The following ADAMTS16 variants were observed in gnomAD, a reference collection of about 807,000 sequenced individuals.
The protein encoded by ADAMTS16 is ADAM metallopeptidase with thrombospondin type 1 motif 16.
A neutral mutation model predicts 145.8 loss-of-function variants in ADAMTS16; 94 were observed. That is an observed-to-expected ratio of 0.64 (90% CI 0.55 to 0.77). ADAMTS16 has a LOEUF of 0.77. Among genes scored for constraint, ADAMTS16 ranks in the 30% least tolerant of loss-of-function variants. ADAMTS16 has a pLI of 0.00. For missense variants in ADAMTS16, 1,585 were observed against 1,591.5 expected (o/e 1.00, Z 0.07); for synonymous variants, 659 against 604.3 (o/e 1.09, Z -1.33).
At chr5:5,253,781 G>A (rs867346161) in intron 17 of ADAMTS16, among the ~76,000 whole-genome samples, 1 of 152,040 alleles carries the variant, frequency 6.6e-6, no homozygotes, top group Non-Finnish European at 1.5e-5. Flanking sequence ...TTCCTCCCTG[G>A]CCTCCCTGCA....
intron 11 of ADAMTS16, among the ~76,000 whole-genome samples, chr5:5,229,123 C>A (rs1004446999): frequency 2.0e-5 from 3 of 151,568 alleles, no homozygotes; most frequent in Non-Finnish European, 4.4e-5. Flanking sequence ...ACGGTGAAAC[C>A]CCGTCTCTAC....
intron 5 of ADAMTS16, among the ~76,000 whole-genome samples, chr5:5,187,460 C>T (rs1426437995): frequency 6.6e-6 from 1 of 152,122 alleles, no homozygotes; most frequent in Non-Finnish European, 1.5e-5. Context: ...CTTAAAAATC[C>T]TCTTTATATT....
At chr5:5,146,078 T>A in intron 2 of ADAMTS16, 52 bp from the exon 3 acceptor site, 1 of 1,489,402 alleles carries the variant, frequency 6.7e-7, no homozygotes, top group Admixed American at 1.8e-5. Flanking sequence ...ACTTCCTGAT[T>A]CTTCTCGGAA....
intron 9 of ADAMTS16, among the ~76,000 whole-genome samples, chr5:5,204,406 A>C (rs1353259714): frequency 6.6e-6 from 1 of 152,190 alleles, no homozygotes; most frequent in Non-Finnish European, 1.5e-5. Flanking sequence ...TGATGAACGC[A>C]ATAGTGTAAC....
intron 2 of ADAMTS16, among the ~76,000 whole-genome samples, chr5:5,144,710 A>G (rs1734248834): frequency 1.3e-5 from 2 of 152,146 alleles, no homozygotes; most frequent in Admixed American, 1.3e-4. Context: ...TGGTGGACTG[A>G]TTTTTTGTTA....
chr5:5,251,651 C>T (rs1366828045), intron 17 of ADAMTS16, among the ~76,000 whole-genome samples: 1 of 152,218 alleles, frequency 6.6e-6, no homozygotes, highest in East Asian at 1.9e-4. Flanking sequence ...TCTGATTTCA[C>T]TTTCATGAAC....
intron 3 of ADAMTS16, among the ~76,000 whole-genome samples, chr5:5,162,759 AGAGAG>A (rs10545197): frequency 0.53 from 80,100 of 150,062 alleles, 21,652 homozygotes; most frequent in African/African-American, 0.57. Context: ...AGAGAAGAGA[AGAGAG>A]GAGAGGAGAG....
chr5:5,158,905 T>C (rs943858782), intron 3 of ADAMTS16, among the ~76,000 whole-genome samples: 1 of 152,222 alleles, frequency 6.6e-6, no homozygotes, highest in Non-Finnish European at 1.5e-5. Flanking sequence ...AGATTGCCTA[T>C]CGTGTATTAA....
intron 17 of ADAMTS16, among the ~76,000 whole-genome samples, chr5:5,252,112 G>A (rs1156508104): frequency 1.3e-5 from 2 of 152,196 alleles, no homozygotes; most frequent in East Asian, 1.9e-4. Context: ...GCCTCCCAAA[G>A]TGCTGGGATT....
intron 11 of ADAMTS16, among the ~76,000 whole-genome samples, chr5:5,231,036 C>T (rs2126366423): frequency 6.6e-6 from 1 of 152,274 alleles, no homozygotes; most frequent in East Asian, 1.9e-4. Flanking sequence ...CAACAACTAG[C>T]ACACACCTGG....
intron 12 of ADAMTS16, 62 bp downstream of exon 12, chr5:5,232,578 G>A: frequency 7.4e-7 from 1 of 1,348,152 alleles, no homozygotes; most frequent in Non-Finnish European, 1.0e-6. Flanking sequence ...AACCCTCCAA[G>A]CAGTATGCCT....
chr5:5,179,763 C>T (rs999390064), intron 3 of ADAMTS16, among the ~76,000 whole-genome samples: 1 of 152,146 alleles, frequency 6.6e-6, no homozygotes, highest in Non-Finnish European at 1.5e-5. Context: ...TTCACTTTCC[C>T]ATGGCTGTGT....
At chr5:5,232,243 AGG>A (rs150710468) in intron 11 of ADAMTS16, 123 bp from the exon 12 acceptor site, 763,384 of 1,059,542 alleles carry the variant, frequency 0.72, 276,284 homozygotes, top group African/African-American at 0.85. Context: ...GCTTGAGTGT[AGG>A]GGGAGGCTAA....
In ADAMTS16 at chr5:5,157,072, A is replaced by T. The variant is rs924375325; in HGVS notation, c.501+10617A>T. On this transcript the variant is annotated intron_variant, in intron 3 of 22. Coordinates refer to ENST00000274181, the MANE Select transcript of ADAMTS16 (RefSeq NM_139056.4). The stretch of plus-strand genomic sequence containing the variant: ...ATAATAACATCCATCATTTGTCATT[A>T]GTTGAATGTATTTTTCACTACTTAA... Among the ~76,000 whole-genome samples, 10 of 151,588 alleles carry T rather than the reference A, an allele frequency of 6.6e-5. No homozygotes were observed. The South Asian group carries it at 1.5e-3, about 22-fold the overall frequency.
chr5:5,271,208 G>A (rs1738459599), intron 18 of ADAMTS16, among the ~76,000 whole-genome samples: 1 of 152,222 alleles, frequency 6.6e-6, no homozygotes, highest in Non-Finnish European at 1.5e-5. Context: ...TTGCCAGATG[G>A]GATCCCCTAA....
Position 5,199,862 on chromosome 5 carries a change from T to G in ADAMTS16, c.1314-270T>G, listed in dbSNP as rs1015271763. 9.3e-4 allele frequency among the ~76,000 whole-genome samples: 142 copies of G among 152,274 alleles called. 2 individuals carry two copies. Among genetic ancestry groups the G allele is most frequent in the Non-Finnish European group, 3.1e-4 (21 of 68,014 alleles). ...CCTAATCAAGAAGATCCCAAGTCCCTCCACCCCATTCAATACGCAGGCATC... is the reference window on the plus strand; with the variant it reads ...CCTAATCAAGAAGATCCCAAGTCCCGCCACCCCATTCAATACGCAGGCATC... On this transcript the variant is annotated intron_variant, in intron 8 of 22. Transcript: ENST00000274181.
At chr5:5,221,058 T>C (rs1018114837) in intron 10 of ADAMTS16, among the ~76,000 whole-genome samples, 5 of 152,028 alleles carry the variant, frequency 3.3e-5, no homozygotes, top group African/African-American at 1.2e-4. Context: ...CTCCCTAGTC[T>C]CCCGTTCTGA....
At chr5:5,280,362 T>C (rs1390097350) in intron 18 of ADAMTS16, among the ~76,000 whole-genome samples, 2 of 152,138 alleles carry the variant, frequency 1.3e-5, no homozygotes, top group Non-Finnish European at 2.9e-5. Flanking sequence ...TGGAGGGGTG[T>C]GTGTGTTTCA....
chr5:5,238,490 T>C (rs541473496), intron 14 of ADAMTS16, among the ~76,000 whole-genome samples: 1 of 152,322 alleles, frequency 6.6e-6, no homozygotes, highest in East Asian at 1.9e-4. Context: ...AAAGGTAGTA[T>C]CTATTACCTT....
Sources: gnomAD v4.1 joint callset for allele counts (sites outside exome capture counted in the v4.1 genomes callset) on GRCh38, gnomAD v4.1.1 for gene constraint, MANE v1.5 for transcripts, NCBI Gene and HGNC (gene_info 2026-07-23, HGNC 2026-07-21) for gene names.